Variants in PRLR observed in about 807,000 individuals in gnomAD.
The protein encoded by PRLR is hPRL receptor.
A neutral mutation model predicts 40.2 loss-of-function variants in PRLR; 13 were observed. The observed-to-expected ratio is 0.32, with a 90% CI of 0.21 to 0.51. The LOEUF is 0.51. PRLR is among the 20% of genes least tolerant of loss of function. PRLR has a pLI of 0.97. For missense variants in PRLR, 656 were observed against 747.3 expected, an observed-to-expected ratio of 0.88 and a Z score of 1.42; for synonymous variants, 269 against 278.7, an observed-to-expected ratio of 0.97 and a Z score of 0.35.
intron 1 of PRLR, among the ~76,000 whole-genome samples, chr5:35,196,067 A>AG: frequency 2.0e-4 from 1 of 4,918 alleles, no homozygotes; most frequent in African/African-American, 1.7e-3. Flanking sequence ...AATAAAATAA[A>AG]ATAAAATAAA....
At chr5:35,159,431 T>C (rs1279742953) in intron 1 of PRLR, among the ~76,000 whole-genome samples, 1 of 151,530 alleles carries the variant, frequency 6.6e-6, no homozygotes, top group Non-Finnish European at 1.5e-5. Flanking sequence ...TGCATCTGCT[T>C]ATAACCCAGA....
chr5:35,063,700 T>A lies in PRLR; in HGVS notation c.*1389A>T, dbSNP rs1228134325. ...CTAACTCCTGGCTTTGCTTAAAATT[T>A]TTTTGTGGCCCAAGATTTCTCACAA... is the stretch of plus-strand genomic sequence containing the variant. On this transcript the variant is annotated 3_prime_UTR_variant, in exon 10 of 10. Coordinates refer to ENST00000618457, the MANE Select transcript of PRLR (RefSeq NM_000949.7). 2 of 152,244 alleles carry A rather than the reference T, an allele frequency of 1.3e-5. No individual in the cohort carries two copies. Among genetic ancestry groups the A allele is most frequent in the East Asian group, 3.8e-4 (2 of 5,202 alleles). 9.4% of individuals were successfully genotyped at this position (152,244 alleles called of 1,614,324 possible).
chr5:35,223,409 C>T (rs1776470630), intron 1 of PRLR, among the ~76,000 whole-genome samples: 1 of 152,160 alleles, frequency 6.6e-6, no homozygotes, highest in Non-Finnish European at 1.5e-5. Context: ...TGGAGTGGGG[C>T]TGAGGCATTT....
rs994532919 is a variant in PRLR, at chr5:35,072,622, G to T, written c.496C>A (p.Leu166Ile). ...GGTTTTAATCGAATTTCATACAGGA[G>T]CGTGAACCAACCAGTTTTTAAGTCA... ...LIDLKTGWFTLLYEIRLKPEK... is the reference protein window; with the variant it reads ...LIDLKTGWFTILYEIRLKPEK... The change falls in exon 6 of 10, where the codon CTC (leucine) becomes ATC (isoleucine). Residue 166 changes from leucine to isoleucine, a missense_variant. By Grantham distance (5) the Leu-to-Ile change is conservative. Coordinates refer to ENST00000618457, the MANE Select transcript of PRLR (RefSeq NM_000949.7). 1.2e-6 allele frequency: 2 copies of T among 1,614,006 alleles called. No individual in the cohort carries two copies. The highest frequency in any genetic ancestry group is 4.5e-5 in the East Asian group (2 of 44,894).
At chr5:35,211,025 T>C (rs757726854) in intron 1 of PRLR, among the ~76,000 whole-genome samples, 9 of 152,208 alleles carry the variant, frequency 5.9e-5, no homozygotes, top group Admixed American at 2.0e-4. Context: ...ACTAGAGATA[T>C]TGGCTCTAAG....
At position 35,063,130 on chromosome 5, in the gene PRLR, T is replaced by C. The variant is rs1769140772; in HGVS notation, c.*1959A>G. 1 of 152,226 alleles carries C rather than the reference T, an allele frequency of 6.6e-6. No homozygotes were observed. Among genetic ancestry groups the C allele is most frequent in the Non-Finnish European group, 1.5e-5 (1 of 68,040 alleles). 9.4% of individuals were successfully genotyped at this position (152,226 alleles called of 1,614,324 possible). On this transcript the variant is annotated 3_prime_UTR_variant, in exon 10 of 10. Transcript: ENST00000618457. ...GCAGTTGGTTCTCAGACAGTTAAAGTATCGAGGATTTAGGGGACTGAATGA... is the reference window on the plus strand; with the variant it reads ...GCAGTTGGTTCTCAGACAGTTAAAGCATCGAGGATTTAGGGGACTGAATGA...
Position 35,058,908 on chromosome 5 carries a change from C to T in PRLR, c.*6181G>A, listed in dbSNP as rs558577301. On this transcript the variant is annotated 3_prime_UTR_variant, in exon 10 of 10. Coordinates refer to ENST00000618457, the MANE Select transcript of PRLR (RefSeq NM_000949.7). ...ACATCTTTCATTTCTAAACTATAAG[C>T]AGCTTTGAAGGAAGGACATTAGGAC... 6.6e-6 allele frequency: 1 copy of T among 152,176 alleles called. No individual in the cohort carries two copies. Among genetic ancestry groups the T allele is most frequent in the Admixed American group, 6.5e-5 (1 of 15,270 alleles). 9.4% of individuals were successfully genotyped at this position (152,176 alleles called of 1,614,324 possible). A position where few individuals can be genotyped will look rare whatever the true frequency, so the allele number is the denominator to read the frequency against.
At chr5:35,181,917 G>T (rs1775306594) in intron 1 of PRLR, among the ~76,000 whole-genome samples, 1 of 152,148 alleles carries the variant, frequency 6.6e-6, no homozygotes, top group Non-Finnish European at 1.5e-5. Context: ...TTGTTAGGTA[G>T]AGTTGGCCAA....
chr5:35,160,728 C>T (rs1180823095), intron 1 of PRLR, among the ~76,000 whole-genome samples: 2 of 152,162 alleles, frequency 1.3e-5, no homozygotes, highest in African/African-American at 2.4e-5. Flanking sequence ...GATGGCTTCA[C>T]CCGGACCTGC....
intron 1 of PRLR, among the ~76,000 whole-genome samples, chr5:35,221,687 A>G (rs1216045629): frequency 1.3e-5 from 2 of 152,132 alleles, no homozygotes. Flanking sequence ...TGATTCAGTG[A>G]GTCTATAGTT....
intron 1 of PRLR, among the ~76,000 whole-genome samples, chr5:35,199,825 T>TA (rs1296624698): frequency 4.6e-5 from 7 of 152,182 alleles, no homozygotes; most frequent in African/African-American, 1.4e-4. Context: ...CCGAAGGTAT[T>TA]AAAAATTCAA....
chr5:35,173,364 G>C (rs1452470303), intron 1 of PRLR, among the ~76,000 whole-genome samples: 1 of 152,196 alleles, frequency 6.6e-6, no homozygotes, highest in Non-Finnish European at 1.5e-5. Flanking sequence ...TGGGTATAGG[G>C]TCCATTCATG....
intron 1 of PRLR, among the ~76,000 whole-genome samples, chr5:35,191,877 G>T (rs963201585): frequency 6.6e-6 from 1 of 152,162 alleles, no homozygotes; most frequent in Non-Finnish European, 1.5e-5. Context: ...TGACCACCAG[G>T]CTTCCTCAGT....
At position 35,063,062 on chromosome 5, in the gene PRLR, T is replaced by C. The variant is rs1376995264; in HGVS notation, c.*2027A>G. 6.6e-6 allele frequency: 1 copy of C among 152,242 alleles called. No individual in the cohort carries two copies. The highest frequency in any genetic ancestry group is 2.4e-5 in the African/African-American group (1 of 41,476). The allele number at this position is 152,242 out of a possible 1,614,324, so 9.4% of individuals were successfully genotyped here. ...AAAATGCAGATTCTGATGCTTAAGATTCTGCAAATGGAATTTTCAAACACT... is the reference window on the plus strand; with the variant it reads ...AAAATGCAGATTCTGATGCTTAAGACTCTGCAAATGGAATTTTCAAACACT... On this transcript the variant is annotated 3_prime_UTR_variant, in exon 10 of 10. Transcript: ENST00000618457.
In PRLR at chr5:35,183,321, T is replaced by C. The variant is rs543194029; in HGVS notation, c.-106+46947A>G. ...CACGTTCCTCTGAGAATTTCTCTTC[T>C]ACAGGAAACAACATGTAATTAGTTG... is the stretch of plus-strand genomic sequence containing the variant. On this transcript the variant is annotated intron_variant, in intron 1 of 9. Transcript: ENST00000618457. Among the ~76,000 whole-genome samples the C allele has an allele frequency of 2.5e-4, 38 of 152,360 alleles. 1 individual carries two copies. Among genetic ancestry groups the C allele is most frequent in the African/African-American group, 7.9e-4 (33 of 41,590 alleles).
At chr5:35,104,881 C>T (rs1772132367) in intron 2 of PRLR, among the ~76,000 whole-genome samples, 1 of 152,172 alleles carries the variant, frequency 6.6e-6, no homozygotes, top group African/African-American at 2.4e-5. Flanking sequence ...GTGGTTCTCC[C>T]ACCGCGGAAT....
intron 1 of PRLR, among the ~76,000 whole-genome samples, chr5:35,207,773 T>C (rs1164548825): frequency 6.6e-6 from 1 of 152,188 alleles, no homozygotes; most frequent in Non-Finnish European, 1.5e-5. Flanking sequence ...CACACATGCA[T>C]ATACACACAC....
Position 35,065,015 on chromosome 5 carries a change from G to A in PRLR, c.*74C>T. The stretch of plus-strand genomic sequence containing the variant: ...GTAGTGTCAGTCTGACTACATTCTT[G>A]AGCATTTCACGTACTCTGTAGTGTT... On this transcript the variant is annotated 3_prime_UTR_variant, in exon 10 of 10. Coordinates refer to ENST00000618457, the MANE Select transcript of PRLR (RefSeq NM_000949.7). 6.7e-7 allele frequency: 1 copy of A among 1,482,224 alleles called. No individual in the cohort carries two copies. The highest frequency in any genetic ancestry group is 9.1e-7 in the Non-Finnish European group (1 of 1,095,572). The allele number at this position is 1,482,224 out of a possible 1,614,324, so 91.8% of individuals were successfully genotyped here.
chr5:35,196,682 T>G (rs1324479776), intron 1 of PRLR, among the ~76,000 whole-genome samples: 1 of 152,224 alleles, frequency 6.6e-6, no homozygotes, highest in Non-Finnish European at 1.5e-5. Context: ...GGCAGGACAC[T>G]CCAGTGTGTT....
Sources: allele counts gnomAD v4.1 joint callset (sites outside exome capture counted in the v4.1 genomes callset), GRCh38; gene constraint gnomAD v4.1.1; transcripts MANE v1.5; gene names NCBI Gene and HGNC (gene_info 2026-07-23, HGNC 2026-07-21).